The following MDM2 variants were observed in gnomAD, a reference collection of about 807,000 sequenced individuals.
The protein encoded by MDM2 is MDM2 proto-oncogene.
A neutral mutation model predicts 64.3 loss-of-function variants in MDM2; 11 were observed. The ratio of observed to expected loss-of-function variants is 0.17; its 90% CI spans 0.11 to 0.28. The LOEUF is 0.28. Among genes scored for constraint, MDM2 ranks in the 10% least tolerant of loss-of-function variants. The pLI, the probability that MDM2 is intolerant of heterozygous loss-of-function variation, is 1.00. For synonymous variants in MDM2, 194 were observed against 192.9 expected (o/e 1.01, Z -0.05); for missense variants, 388 against 577.1 (o/e 0.67, Z 3.36).
At chr12:68,818,794 C>T (rs1222495282) in intron 4 of MDM2, among the ~76,000 whole-genome samples, 1 of 150,204 alleles carries the variant, frequency 6.7e-6, no homozygotes, top group Non-Finnish European at 1.5e-5. Flanking sequence ...AAGTCTTGCT[C>T]TGTTGCCCAG....
intron 8 of MDM2, among the ~76,000 whole-genome samples, chr12:68,831,470 C>T (rs892250763): frequency 2.6e-5 from 4 of 152,228 alleles, no homozygotes; most frequent in Middle Eastern, 3.4e-3. Context: ...ATTTTACACA[C>T]GGGGTTATGT....
rs1883990856 is a variant in MDM2, at chr12:68,843,538, C to T, written c.*3689C>T. The T allele has an allele frequency of 4.4e-6, 1 of 226,342 alleles. No homozygotes were observed. The highest frequency in any genetic ancestry group is 8.8e-6 in the Non-Finnish European group (1 of 114,012). The allele number at this position is 226,342 out of a possible 1,614,324, so 14.0% of individuals were successfully genotyped here. A position where few individuals can be genotyped will look rare whatever the true frequency, so the allele number is the denominator to read the frequency against. ...TTTATATTTAAATATGAATCTTAAG[C>T]AAAACAGTGAAAATAACCATCTTGA... On this transcript the variant is annotated 3_prime_UTR_variant, in exon 11 of 11. Coordinates refer to ENST00000258149, the MANE Select transcript of MDM2 (RefSeq NM_002392.6).
intron 8 of MDM2, among the ~76,000 whole-genome samples, chr12:68,830,726 T>G (rs1882724981): frequency 6.6e-6 from 1 of 152,148 alleles, no homozygotes; most frequent in African/African-American, 2.4e-5. Context: ...TTATTGAGAT[T>G]GAGTCTCTCT....
At chr12:68,816,987 T>C (rs781698257) in intron 4 of MDM2, 42 bp downstream of exon 4, 1 of 1,600,606 alleles carries the variant, frequency 6.2e-7, no homozygotes, top group East Asian at 2.2e-5. Context: ...CCATCTGGGC[T>C]AACATTTCAG....
Position 68,844,529 on chromosome 12 carries a change from G to A in MDM2, c.*4680G>A, listed in dbSNP as rs560334954. 364 of 228,398 alleles carry A rather than the reference G, an allele frequency of 1.6e-3. 1 individual carries two copies. Among genetic ancestry groups the A allele is most frequent in the Non-Finnish European group, 2.5e-3 (283 of 115,000 alleles). 14.1% of individuals were successfully genotyped at this position (228,398 alleles called of 1,614,324 possible). On this transcript the variant is annotated 3_prime_UTR_variant, in exon 11 of 11. Coordinates refer to ENST00000258149, the MANE Select transcript of MDM2 (RefSeq NM_002392.6). Reference sequence around the variant, plus strand: ...GGGAGGGGAGTTTGGGCTAGCCACCGTACCACTTGTCAGCGTGAAAAGTAA... The same window carrying A: ...GGGAGGGGAGTTTGGGCTAGCCACCATACCACTTGTCAGCGTGAAAAGTAA...
rs1372936864 is a variant in MDM2, at chr12:68,839,886, A to G, written c.*37A>G. 3.2e-6 allele frequency: 5 copies of G among 1,563,740 alleles called. No homozygotes were observed. The African/African-American group carries it at 6.9e-5, about 22-fold the overall frequency. ...ATAAGAGAATTATATATTTCTAACTATATAACCCTAGGAATTTAGACAACC... is the reference window on the plus strand; with the variant it reads ...ATAAGAGAATTATATATTTCTAACTGTATAACCCTAGGAATTTAGACAACC... On this transcript the variant is annotated 3_prime_UTR_variant, in exon 11 of 11. Transcript: ENST00000258149.
chr12:68,831,199 A>G lies in MDM2; in HGVS notation c.684+2268A>G, dbSNP rs1029393233. The stretch of plus-strand genomic sequence containing the variant: ...CACACGTGGAGTGGTTTTAAGGAGC[A>G]GAGCGTTTAATAGGCAAGAAGGGAG... On this transcript the variant is annotated intron_variant, in intron 8 of 10. Transcript: ENST00000258149. Among the ~76,000 whole-genome samples the G allele has an allele frequency of 3.9e-5, 6 of 152,178 alleles. No homozygotes were observed. The South Asian group carries it at 1.0e-3, about 26-fold the overall frequency.
At chr12:68,813,254 A>G (rs748894728) in intron 2 of MDM2, among the ~76,000 whole-genome samples, 1 of 152,220 alleles carries the variant, frequency 6.6e-6, no homozygotes. Flanking sequence ...TTAGCTTGCA[A>G]TAAGCTCGTT....
At chr12:68,833,310 A>AATATATATATTTATAT (rs1483382437) in intron 8 of MDM2, among the ~76,000 whole-genome samples, 579 of 55,622 alleles carry the variant, frequency 0.01, 15 homozygotes, top group African/African-American at 0.035. Flanking sequence ...TATAAATATA[A>AATATATATATTTATAT]AAATATAATT....
downstream of MDM2, chr12:68,847,185 G>A (rs1283314359): frequency 1.6e-5 from 1 of 63,044 alleles, no homozygotes; most frequent in Non-Finnish European, 3.2e-5. Flanking sequence ...ATGTATGTAT[G>A]TGTGTGTACA....
At chr12:68,848,096 T>G (rs1283644460), downstream of MDM2, 2 of 152,162 alleles carry the variant, frequency 1.3e-5, no homozygotes, top group African/African-American at 4.8e-5. Flanking sequence ...GCCACTACAC[T>G]CTGCTTAGGA....
chr12:68,812,398 A>G (rs1592568816), intron 2 of MDM2, among the ~76,000 whole-genome samples: 1 of 152,248 alleles, frequency 6.6e-6, no homozygotes, highest in Non-Finnish European at 1.5e-5. Flanking sequence ...AGAGAGGTGC[A>G]GAGGTACCAG....
At chr12:68,847,523 G>A (rs1360874860), downstream of MDM2, 4 of 131,900 alleles carry the variant, frequency 3.0e-5, no homozygotes, top group Non-Finnish European at 4.6e-5. Context: ...GCGCAATCTC[G>A]GCTCACTGCA....
intron 1 of MDM2, chr12:68,808,802 G>A: frequency 1.5e-6 from 1 of 652,776 alleles, no homozygotes; most frequent in Non-Finnish European, 1.9e-6. Context: ...GGGCCGCTTC[G>A]GCGCGGGAGG....
chr12:68,838,718 A>G (rs1883501433), intron 10 of MDM2, among the ~76,000 whole-genome samples: 1 of 152,240 alleles, frequency 6.6e-6, no homozygotes, highest in Non-Finnish European at 1.5e-5. Flanking sequence ...ATGACAGAGT[A>G]AAAGATCCCA....
At chr12:68,819,691 A>G (rs965479317) in intron 4 of MDM2, among the ~76,000 whole-genome samples, 11 of 152,136 alleles carry the variant, frequency 7.2e-5, no homozygotes, top group African/African-American at 2.7e-4. Flanking sequence ...GGGTTTCTCC[A>G]TGTTGGTCAG....
In MDM2 at chr12:68,831,793, C is replaced by T. The variant is rs3730623; in HGVS notation, c.684+2862C>T. On this transcript the variant is annotated intron_variant, in intron 8 of 10. Coordinates refer to ENST00000258149, the MANE Select transcript of MDM2 (RefSeq NM_002392.6). ...CTATCTATAAAAAATCTCAGCCGGG[C>T]GTGGTGGCTCATGCCTGTAATCCCA... Among the ~76,000 whole-genome samples, 440 of 152,248 alleles carry T rather than the reference C, an allele frequency of 2.9e-3. 3 individuals carry two copies. Among genetic ancestry groups the T allele is most frequent in the African/African-American group, 0.01 (417 of 41,538 alleles).
chr12:68,813,565 G>T lies in MDM2; in HGVS notation c.111G>T (p.Lys37Asn). The change falls in exon 3 of 11, where the codon AAG becomes AAT. Residue 37 changes from lysine (K) to asparagine (N), a missense_variant. Physicochemically the swap from Lys to Asn is moderately conservative, Grantham distance 94. Coordinates refer to ENST00000258149, the MANE Select transcript of MDM2 (RefSeq NM_002392.6). ...ASEQETLVRP[K>N]PLLLKLLKSV... ...TTTTCTCTTTATAGGTTAGACCAAAGCCATTGCTTTTGAAGTTATTAAAGT... is the reference window on the plus strand; with the variant it reads ...TTTTCTCTTTATAGGTTAGACCAAATCCATTGCTTTTGAAGTTATTAAAGT... 2.5e-6 allele frequency: 4 copies of T among 1,612,938 alleles called. No individual in the cohort carries two copies. Among genetic ancestry groups the T allele is most frequent in the Non-Finnish European group, 3.4e-6 (4 of 1,179,200 alleles).
rs149695813 is a variant in MDM2, at chr12:68,810,309, T to TA, written c.99+1031dup. ...TGGGCGATAAGAGCGAAACTCCGTC[T>TA]AAAAAAAAAAAAAAGAAAAGAAAAA... On this transcript the variant is annotated intron_variant, in intron 2 of 10. Coordinates refer to ENST00000258149, the MANE Select transcript of MDM2 (RefSeq NM_002392.6). Among the ~76,000 whole-genome samples, 1,097 of 140,500 alleles carry TA rather than the reference T, an allele frequency of 7.8e-3. 9 individuals carry two copies. The highest frequency in any genetic ancestry group is 0.025 in the African/African-American group (957 of 37,540). The allele number at this position is 140,500 out of a possible 152,430, so 92.2% of individuals were successfully genotyped here.
Sources: gnomAD v4.1 joint callset for allele counts (sites outside exome capture counted in the v4.1 genomes callset) on GRCh38, gnomAD v4.1.1 for gene constraint, MANE v1.5 for transcripts, NCBI Gene and HGNC (gene_info 2026-07-23, HGNC 2026-07-21) for gene names.